The following DEPDC5 variants were observed in gnomAD, a reference collection of about 807,000 sequenced individuals.
DEPDC5 encodes the protein GATOR1 complex protein DEPDC5.
In DEPDC5, 73 loss-of-function variants were observed where a neutral mutation model predicts 217.3. The observed-to-expected ratio is 0.34, with a 90% CI of 0.28 to 0.41. The LOEUF (loss-of-function observed/expected upper bound fraction) is 0.41, where lower values mean the gene tolerates loss of function less well. Among genes scored for constraint, DEPDC5 ranks in the 10% least tolerant of loss-of-function variants. The pLI is 1.00. For missense variants in DEPDC5, 1,675 were observed against 2,070.1 expected (o/e 0.81, Z 3.70); for synonymous variants, 733 against 756.7 (o/e 0.97, Z 0.51).
intron 10 of DEPDC5, among the ~76,000 whole-genome samples, chr22:31,785,642 T>C (rs372976437): frequency 2.5e-4 from 38 of 151,766 alleles, no homozygotes; most frequent in East Asian, 1.9e-3. Context: ...GGATCCTGAA[T>C]AGCTAAAACA....
chr22:31,844,849 C>CCATTCTCA, intron 29 of DEPDC5, 169 bp from the exon 30 acceptor site: 1 of 733,998 alleles, frequency 1.4e-6, no homozygotes, highest in South Asian at 1.6e-5. Flanking sequence ...GCCACCATGC[C>CCATTCTCA]CATTCTCAGA....
chr22:31,870,772 T>C, intron 34 of DEPDC5, 28 bp downstream of exon 34: 2 of 1,511,642 alleles, frequency 1.3e-6, no homozygotes, highest in Non-Finnish European at 1.8e-6. Flanking sequence ...CAAACTCATG[T>C]TCCTGGGGAG....
intron 33 of DEPDC5, among the ~76,000 whole-genome samples, chr22:31,864,827 T>C (rs1036902272): frequency 6.6e-6 from 1 of 152,130 alleles, no homozygotes; most frequent in African/African-American, 2.4e-5. Context: ...TAGCTAGGAC[T>C]ACAGGCATCT....
rs184776754 is a variant in DEPDC5, at chr22:31,812,704, G to A, written c.1445+2063G>A. ...CTCCCAAAGTGGTGGGATTACAGGC[G>A]TGAGCCACCGCGCCCGGCCAATTTT... On this transcript the variant is annotated intron_variant, in intron 20 of 42. Transcript: ENST00000651528. 6.8e-3 allele frequency among the ~76,000 whole-genome samples: 993 copies of A among 145,338 alleles called. 59 individuals carry two copies. Among genetic ancestry groups the A allele is most frequent in the Non-Finnish European group, 0.01 (689 of 65,756 alleles).
intron 14 of DEPDC5, 36 bp downstream of exon 14, chr22:31,798,692 C>A: frequency 6.3e-7 from 1 of 1,592,842 alleles, no homozygotes; most frequent in Non-Finnish European, 8.6e-7. Flanking sequence ...CAGCATCTTG[C>A]CTACCACATG....
intron 8 of DEPDC5, among the ~76,000 whole-genome samples, chr22:31,782,236 C>T (rs2084528187): frequency 6.6e-6 from 1 of 151,034 alleles, no homozygotes. Flanking sequence ...CTCCCGGATT[C>T]AAGCGATTGT....
Position 31,754,866 on chromosome 22 carries a change from G to A in DEPDC5, c.-56G>A. ...TCGTTTGTATTTCTGTGGCAGGGAG[G>A]CAAGATGACTTCTCTGCCCCAAGCT... On this transcript the variant is annotated 5_prime_UTR_variant, in exon 2 of 43. Coordinates refer to ENST00000651528, the MANE Select transcript of DEPDC5 (RefSeq NM_001242896.3). 1 of 1,597,506 alleles carries A rather than the reference G, an allele frequency of 6.3e-7. No homozygotes were observed. The highest frequency in any genetic ancestry group is 8.6e-7 in the Non-Finnish European group (1 of 1,166,774).
At chr22:31,841,222 G>A (rs2091373507) in intron 27 of DEPDC5, among the ~76,000 whole-genome samples, 1 of 152,196 alleles carries the variant, frequency 6.6e-6, no homozygotes, top group African/African-American at 2.4e-5. Context: ...CTTCTGTTTT[G>A]TATGCAGCTG....
chr22:31,760,062 CTTT>C (rs2148016902), intron 3 of DEPDC5, among the ~76,000 whole-genome samples: 1 of 135,638 alleles, frequency 7.4e-6, no homozygotes, highest in Non-Finnish European at 1.5e-5. Flanking sequence ...TATGGAGTTT[CTTT>C]GTTTCTTTTT....
rs115992159 is a variant in DEPDC5 at position 31,794,564 on chromosome 22, A to G, written c.767+1747A>G. On this transcript the variant is annotated intron_variant, in intron 12 of 42. Coordinates refer to ENST00000651528, the MANE Select transcript of DEPDC5 (RefSeq NM_001242896.3). ...AAACTGGTTATCTTTTTCTTACTGCAAAAACAATACAGGTTCATTTTAGGA... is the reference window on the plus strand; with the variant it reads ...AAACTGGTTATCTTTTTCTTACTGCGAAAACAATACAGGTTCATTTTAGGA... Among the ~76,000 whole-genome samples, 1,339 of 152,262 alleles carry G rather than the reference A, an allele frequency of 8.8e-3. 23 individuals carry two copies. The highest frequency in any genetic ancestry group is 0.029 in the African/African-American group (1,209 of 41,552).
At chr22:31,859,125 C>G (rs1356804169) in intron 32 of DEPDC5, 1 of 109,558 alleles carries the variant, frequency 9.1e-6, no homozygotes, top group Non-Finnish European at 1.7e-5. Context: ...GAGTCTCACT[C>G]TGTTGCCCAG....
At chr22:31,870,536 G>GT in intron 33 of DEPDC5, 54 bp from the exon 34 acceptor site, 1 of 1,453,140 alleles carries the variant, frequency 6.9e-7, no homozygotes, top group Non-Finnish European at 9.1e-7. Context: ...TATTTACTGT[G>GT]TTTTCCTGTC....
chr22:31,758,467 G>T (rs901012472), intron 2 of DEPDC5, 79 bp from the exon 3 acceptor site: 2 of 1,316,186 alleles, frequency 1.5e-6, no homozygotes, highest in Admixed American at 1.7e-5. Context: ...TCCTGATGGG[G>T]TTGTGAGGAA....
At chr22:31,807,309 T>C (rs2087668259) in intron 18 of DEPDC5, among the ~76,000 whole-genome samples, 1 of 152,198 alleles carries the variant, frequency 6.6e-6, no homozygotes, top group African/African-American at 2.4e-5. Context: ...TTAGTTTTAT[T>C]TATAATTGTG....
At chr22:31,788,247 C>T (rs1354647493) in intron 10 of DEPDC5, among the ~76,000 whole-genome samples, 2 of 151,198 alleles carry the variant, frequency 1.3e-5, no homozygotes, top group Non-Finnish European at 2.9e-5. Context: ...CCACTTCACA[C>T]CCACTAGGAT....
intron 31 of DEPDC5, among the ~76,000 whole-genome samples, chr22:31,848,821 T>G (rs1171364004): frequency 1.3e-5 from 2 of 152,214 alleles, no homozygotes; most frequent in Non-Finnish European, 2.9e-5. Flanking sequence ...CAAACTTTTA[T>G]GCTCTGCTTC....
Position 31,874,329 on chromosome 22 carries a change from G to C in DEPDC5, c.3620G>C (p.Ser1207Thr), listed in dbSNP as rs2092932829. Residue 1207 changes from serine to threonine, a missense_variant, in exon 36 of 43, where the codon AGC becomes ACC. Around this residue, in one of 11 missense-constraint regions of DEPDC5, gnomAD observed 194 missense variants for 199.3 expected, o/e 0.97. Transcript: ENST00000651528. ...QKGLSPYCFI[S>T]AEVVHWLVNH... Reference sequence around the variant, plus strand: ...GGCCTCTCACCGTACTGCTTCATCAGCGCGGAGGTGGTACACTGGTTGGTG... The same window carrying C: ...GGCCTCTCACCGTACTGCTTCATCACCGCGGAGGTGGTACACTGGTTGGTG... The C allele has an allele frequency of 2.5e-6, 4 of 1,610,158 alleles. No individual in the cohort carries two copies. Among genetic ancestry groups the C allele is most frequent in the Non-Finnish European group, 3.4e-6 (4 of 1,178,272 alleles).
chr22:31,802,671 A>G, intron 14 of DEPDC5, 33 bp from the exon 15 acceptor site: 1 of 1,514,064 alleles, frequency 6.6e-7, no homozygotes. Context: ...AAGCTGTAAC[A>G]TCATTATTGT....
chr22:31,874,489 A>G (rs1472631145), intron 36 of DEPDC5, 84 bp downstream of exon 36: 2 of 1,476,072 alleles, frequency 1.4e-6, no homozygotes, highest in African/African-American at 1.4e-5. Context: ...CACCCTTTCC[A>G]GTAATGAGAT....
Sources: allele counts gnomAD v4.1 joint callset (sites outside exome capture counted in the v4.1 genomes callset), GRCh38; gene constraint gnomAD v4.1.1; regional missense constraint gnomAD v4.1.1; transcripts MANE v1.5; gene names NCBI Gene and HGNC (gene_info 2026-07-23, HGNC 2026-07-21).